ADAP1: variants seen among roughly 807,000 people sequenced by gnomAD.
The protein encoded by ADAP1 is arf-GAP with dual PH domain-containing protein 1.
A neutral mutation model predicts 54.9 loss-of-function variants in ADAP1; 31 were observed. The observed-to-expected ratio is 0.56, with a 90% CI of 0.42 to 0.76. The LOEUF (loss-of-function observed/expected upper bound fraction) is 0.76, where lower values mean the gene tolerates loss of function less well. ADAP1 is among the 30% of genes least tolerant of loss of function. The pLI is 0.00. For missense variants in ADAP1, 535 were observed against 512.4 expected, an observed-to-expected ratio of 1.04 and a Z score of -0.42; for synonymous variants, 313 against 202.6, an observed-to-expected ratio of 1.55 and a Z score of -4.63.
At chr7:947,190 C>T (rs1385942107) in intron 1 of ADAP1, among the ~76,000 whole-genome samples, 1 of 149,284 alleles carries the variant, frequency 6.7e-6, no homozygotes, top group Non-Finnish European at 1.5e-5. Flanking sequence ...CAGGTGTGCA[C>T]CACCACATCT....
At position 899,087 on chromosome 7, in the gene ADAP1, C is replaced by T. The variant is rs774777035; in HGVS notation, c.1042G>A (p.Val348Met). Residue 348 changes from valine (V) to methionine (M), a missense_variant, in exon 10 of 11, where the codon GTG (valine) becomes ATG (methionine). Coordinates refer to ENST00000265846, the MANE Select transcript of ADAP1 (RefSeq NM_006869.4). ...TCCACCGCCTTCTGGAAGGCCGCCA[C>T]CCACTCCCTCTGGTCGGACTCCGTC... Reference protein sequence around the residue: ...CETESDQREWVAAFQKAVDRP... With the variant: ...CETESDQREWMAAFQKAVDRP... 1.2e-6 allele frequency: 2 copies of T among 1,608,218 alleles called. No homozygotes were observed. The highest frequency in any genetic ancestry group is 3.3e-5 in the Admixed American group (2 of 60,030).
rs918919897 is a variant in ADAP1 at position 945,148 on chromosome 7, G to A, written c.82+9248C>T. 2.6e-5 allele frequency among the ~76,000 whole-genome samples: 4 copies of A among 152,180 alleles called. No individual in the cohort carries two copies. The highest frequency in any genetic ancestry group is 9.6e-5 in the African/African-American group (4 of 41,456). On this transcript the variant is annotated intron_variant, in intron 1 of 10. Transcript: ENST00000265846. This position sits in a 1 kb window ranked among gnomAD's most constrained non-coding sequence, Gnocchi z 4.2. ...GGCTGGTCCCCAAGGCAGAAGGGAC[G>A]GGCTGACCCTTCTGTTTTCCAAGTG...
chr7:923,064 GAC>G (rs1846247368), intron 3 of ADAP1: 2 of 152,116 alleles, frequency 1.3e-5, no homozygotes, highest in Non-Finnish European at 2.9e-5. Flanking sequence ...GGGGAATTAG[GAC>G]ACAGACAGGT....
intron 1 of ADAP1, among the ~76,000 whole-genome samples, chr7:948,585 A>G (rs1377376056): frequency 1.3e-5 from 2 of 151,880 alleles, no homozygotes; most frequent in Admixed American, 6.6e-5. Context: ...TGTCACCACC[A>G]CCACCTGGAC....
At chr7:914,675 C>T (rs1191111916) in intron 4 of ADAP1, among the ~76,000 whole-genome samples, 2 of 152,166 alleles carry the variant, frequency 1.3e-5, no homozygotes, top group African/African-American at 4.8e-5. Flanking sequence ...CAAATAGCAG[C>T]GGGCAGCTAG....
At chr7:944,903 C>T (rs919035956) in intron 1 of ADAP1, among the ~76,000 whole-genome samples, 5 of 151,784 alleles carry the variant, frequency 3.3e-5, no homozygotes, top group South Asian at 2.1e-4. Context: ...GGGAAGAGCC[C>T]GGGGGGGTGA....
chr7:900,701 G>A (rs1456145904), intron 6 of ADAP1, 85 bp from the exon 7 acceptor site: 5 of 1,202,294 alleles, frequency 4.2e-6, no homozygotes, highest in Non-Finnish European at 6.0e-6. Flanking sequence ...CCCACAGAGG[G>A]GCCGCTTCCC....
intron 4 of ADAP1, among the ~76,000 whole-genome samples, chr7:909,348 AGCGGGAACCCCGGTCCTCCCGACAGCAGG>A (rs2128100105): frequency 1.5e-4 from 13 of 87,826 alleles, no homozygotes; most frequent in African/African-American, 5.8e-4. Context: ...AGCAGGCGCC[AGCGGGAACCCCGGTCCTCCCGACAGCAGG>A]CGCCAGCGGG....
At chr7:921,521 G>T (rs1454409900) in intron 3 of ADAP1, among the ~76,000 whole-genome samples, 2 of 152,194 alleles carry the variant, frequency 1.3e-5, no homozygotes, top group African/African-American at 4.8e-5. Flanking sequence ...AGCTCACTCT[G>T]TTGCCCAGGC....
chr7:940,078 C>G (rs1157562510), intron 1 of ADAP1, among the ~76,000 whole-genome samples: 2 of 152,250 alleles, frequency 1.3e-5, no homozygotes, highest in Non-Finnish European at 2.9e-5. Flanking sequence ...CTGTCACATC[C>G]TCCTTGGTAT....
At position 926,663 on chromosome 7, in the gene ADAP1, C is replaced by A. The variant is rs374067245; in HGVS notation, c.214-19G>T. The A allele has an allele frequency of 1.3e-6, 2 of 1,533,670 alleles. No individual in the cohort carries two copies. The highest frequency in any genetic ancestry group is 1.8e-6 in the Non-Finnish European group (2 of 1,139,540). On this transcript the variant is annotated intron_variant, in intron 2 of 10. Transcript: ENST00000265846. This position sits in a 1 kb window ranked among gnomAD's most constrained non-coding sequence, Gnocchi z 4.6. The stretch of plus-strand genomic sequence containing the variant: ...CCATGAACTGCAAGAGAGGAGGGGC[C>A]GGGTCAGAGGCCTGGGGTCCCAGGG...
chr7:900,812 G>T (rs1844764028), intron 6 of ADAP1, 196 bp from the exon 7 acceptor site: 5 of 656,608 alleles, frequency 7.6e-6, no homozygotes, highest in Middle Eastern at 8.0e-4. Flanking sequence ...CTGCTACACA[G>T]GGGCTGCCCC....
chr7:953,561 C>G (rs932726210), intron 1 of ADAP1, among the ~76,000 whole-genome samples: 1 of 152,230 alleles, frequency 6.6e-6, no homozygotes, highest in Admixed American at 6.5e-5. Context: ...CCCCCAGATT[C>G]CTGGTGTGCC....
In ADAP1 at chr7:905,041, A is replaced by G. The variant is rs535987838; in HGVS notation, c.501+19T>C. 50 of 1,601,364 alleles carry G rather than the reference A, an allele frequency of 3.1e-5. 1 individual carries two copies. In the African/African-American group the frequency reaches 4.5e-4, roughly 15 times the overall value. ...CCGCCCTGGGACAGGCCCCCACCCC[A>G]CCCCCGTCTGTGACTCACATCATTT... On this transcript the variant is annotated intron_variant, in intron 5 of 10. Coordinates refer to ENST00000265846, the MANE Select transcript of ADAP1 (RefSeq NM_006869.4).
At chr7:936,896 G>C (rs886657804) in intron 1 of ADAP1, among the ~76,000 whole-genome samples, 3 of 152,218 alleles carry the variant, frequency 2.0e-5, no homozygotes, top group Admixed American at 6.5e-5. Flanking sequence ...ACGCTGATCG[G>C]GGCCCACCCC....
chr7:930,677 G>GTT (rs1464877164), intron 2 of ADAP1, among the ~76,000 whole-genome samples: 2 of 151,958 alleles, frequency 1.3e-5, no homozygotes, highest in East Asian at 3.9e-4. Context: ...AAATTAGCTG[G>GTT]GCATGGTGGC....
At chr7:902,173 T>C (rs915969409) in intron 6 of ADAP1, among the ~76,000 whole-genome samples, 2 of 151,002 alleles carry the variant, frequency 1.3e-5, no homozygotes, top group African/African-American at 4.9e-5. Flanking sequence ...AATACAAAAA[T>C]TGCGGCTGGG....
intron 4 of ADAP1, among the ~76,000 whole-genome samples, chr7:914,213 G>C (rs1254226097): frequency 6.6e-6 from 1 of 152,132 alleles, no homozygotes; most frequent in Non-Finnish European, 1.5e-5. Flanking sequence ...TGCAGAGCGG[G>C]AGCCACCTGG....
intron 4 of ADAP1, among the ~76,000 whole-genome samples, chr7:915,235 A>G (rs576417071): frequency 2.0e-5 from 3 of 151,702 alleles, no homozygotes; most frequent in Non-Finnish European, 4.4e-5. Context: ...TCACACCTGC[A>G]CACCTCGCCT....
Sources: gnomAD v4.1 joint callset for allele counts (sites outside exome capture counted in the v4.1 genomes callset) on GRCh38, gnomAD v4.1.1 for gene constraint, Gnocchi (gnomAD v3.1) non-coding constraint, MANE v1.5 for transcripts, NCBI Gene and HGNC (gene_info 2026-07-23, HGNC 2026-07-21) for gene names.